P2RX7: variants seen among roughly 807,000 people sequenced by gnomAD.
P2RX7 encodes P2X purinoceptor 7.
Under a neutral mutation model 71.6 loss-of-function variants are expected in P2RX7, and 62 were observed. The ratio of observed to expected loss-of-function variants is 0.87; its 90% CI spans 0.71 to 1.07. The LOEUF (loss-of-function observed/expected upper bound fraction) is 1.07. Ranked by LOEUF, P2RX7 falls within the 50% of genes least tolerant of loss-of-function variation. The pLI is 0.00. For missense variants in P2RX7, 686 were observed against 748.5 expected, an observed-to-expected ratio of 0.92 and a Z score of 0.97; for synonymous variants, 299 against 283.3, an observed-to-expected ratio of 1.06 and a Z score of -0.56.
chr12:121,167,439 G>T, intron 7 of P2RX7, 49 bp from the exon 8 acceptor site: 1 of 1,602,286 alleles, frequency 6.2e-7, no homozygotes, highest in Non-Finnish European at 8.5e-7. Flanking sequence ...TGGCGGTTGC[G>T]TAACTCACAC....
rs545352998 is a variant in P2RX7, at chr12:121,168,279, T to C, written c.881+655T>C. Among the ~76,000 whole-genome samples, 6 of 149,716 alleles carry C rather than the reference T, an allele frequency of 4.0e-5. No individual in the cohort carries two copies. In the East Asian group the frequency reaches 1.2e-3, roughly 29 times the overall value. On this transcript the variant is annotated intron_variant, in intron 8 of 12. Transcript: ENST00000328963. The stretch of plus-strand genomic sequence containing the variant: ...GGCAGTGTTTTCTTTTCTTTTCTTT[T>C]CTTTTTTTTTTTTAGATGGAGTCAC...
intron 12 of P2RX7, among the ~76,000 whole-genome samples, chr12:121,182,589 G>T (rs995437188): frequency 6.6e-5 from 10 of 152,182 alleles, no homozygotes; most frequent in African/African-American, 2.4e-4. Flanking sequence ...AAAAGGTACA[G>T]TGAAAATATG....
chr12:121,148,875 G>A (rs769789411), intron 1 of P2RX7: 35 of 330,434 alleles, frequency 1.1e-4, no homozygotes, highest in Non-Finnish European at 1.9e-4. Context: ...TGCAGGCACA[G>A]TCCTGGCGCT....
intron 7 of P2RX7, 79 bp from the exon 8 acceptor site, chr12:121,167,409 T>C: frequency 2.6e-6 from 4 of 1,545,752 alleles, no homozygotes; most frequent in Non-Finnish European, 3.5e-6. Flanking sequence ...TAAGCAATCC[T>C]GGCTATGCAG....
chr12:121,143,073 C>A (rs528165498), intron 1 of P2RX7, among the ~76,000 whole-genome samples: 79 of 145,228 alleles, frequency 5.4e-4, no homozygotes, highest in African/African-American at 2.0e-3. Flanking sequence ...CAGAGTGAGA[C>A]TTCATCTCAA....
rs566733367 is a variant in P2RX7, at chr12:121,155,481, C to T, written c.294+528C>T. The T allele has an allele frequency of 1.9e-4, 193 of 1,009,652 alleles. 1 individual carries two copies. In the African/African-American group the frequency reaches 2.8e-3, roughly 15 times the overall value. 62.5% of individuals were successfully genotyped at this position (1,009,652 alleles called of 1,614,324 possible). A position where few individuals can be genotyped will look rare whatever the true frequency, so the allele number is the denominator to read the frequency against. On this transcript the variant is annotated intron_variant, in intron 2 of 12. Transcript: ENST00000328963. ...GATTTGCAAGCAGGGAAAATGAAAG[C>T]AGAATTGCCAAAAAAGAGAAATTAA...
intron 7 of P2RX7, among the ~76,000 whole-genome samples, chr12:121,167,221 G>C (rs1881262813): frequency 6.6e-6 from 1 of 152,034 alleles, no homozygotes; most frequent in Non-Finnish European, 1.5e-5. Context: ...AAGGTGTTTG[G>C]GTACAGGAGT....
intron 1 of P2RX7, among the ~76,000 whole-genome samples, chr12:121,138,040 T>G (rs1874069026): frequency 6.6e-6 from 1 of 152,250 alleles, no homozygotes; most frequent in Non-Finnish European, 1.5e-5. Context: ...GAGTTTGTGT[T>G]GGAGGTCTGT....
chr12:121,150,290 T>A (rs1237993402), intron 1 of P2RX7, among the ~76,000 whole-genome samples: 2 of 152,204 alleles, frequency 1.3e-5, no homozygotes, highest in Non-Finnish European at 2.9e-5. Context: ...AGACAGGTTT[T>A]CTGTTTAGGA....
intron 1 of P2RX7, among the ~76,000 whole-genome samples, chr12:121,152,087 C>A (rs1478498024): frequency 6.6e-6 from 1 of 152,062 alleles, no homozygotes; most frequent in Non-Finnish European, 1.5e-5. Flanking sequence ...TCAAAGGATT[C>A]TCCTGCCTCA....
intron 1 of P2RX7, among the ~76,000 whole-genome samples, chr12:121,143,295 G>A (rs1371437845): frequency 8.6e-5 from 13 of 151,920 alleles, no homozygotes; most frequent in African/African-American, 1.9e-4. Context: ...TTGGCAGGCC[G>A]AGGCAGGAGA....
intron 1 of P2RX7, among the ~76,000 whole-genome samples, chr12:121,144,751 A>G (rs1875770607): frequency 6.6e-6 from 1 of 152,156 alleles, no homozygotes; most frequent in African/African-American, 2.4e-5. Context: ...TGATAGAGGC[A>G]GAGGAGAGAA....
At chr12:121,136,023 A>AAAAAAAATATATATAT in intron 1 of P2RX7, among the ~76,000 whole-genome samples, 7 of 15,256 alleles carry the variant, frequency 4.6e-4, no homozygotes, top group African/African-American at 8.6e-4. Context: ...AAAAAAAAAA[A>AAAAAAAATATATATAT]ATATATATAT....
At chr12:121,172,096 C>A (rs1215041237) in intron 8 of P2RX7, among the ~76,000 whole-genome samples, 2 of 150,634 alleles carry the variant, frequency 1.3e-5, no homozygotes, top group African/African-American at 4.9e-5. Context: ...CTCCTGACCT[C>A]GTGATCTGCC....
chr12:121,166,966 C>T (rs550339592), intron 7 of P2RX7, among the ~76,000 whole-genome samples: 2 of 150,926 alleles, frequency 1.3e-5, no homozygotes, highest in Non-Finnish European at 1.5e-5. Flanking sequence ...ACAGGAGAAT[C>T]GCTTGAACCT....
chr12:121,133,518 C>T (rs1272689629), intron 1 of P2RX7, among the ~76,000 whole-genome samples: 4 of 152,188 alleles, frequency 2.6e-5, no homozygotes, highest in South Asian at 2.1e-4. Context: ...TCCTCACCAA[C>T]GTCAGGAAGG....
intron 5 of P2RX7, among the ~76,000 whole-genome samples, chr12:121,162,860 C>T (rs1215650470): frequency 6.6e-6 from 1 of 151,786 alleles, no homozygotes; most frequent in African/African-American, 2.4e-5. Flanking sequence ...TCTGACTTGT[C>T]AGTGTCCATA....
chr12:121,147,258 A>G (rs1216565029), intron 1 of P2RX7, among the ~76,000 whole-genome samples: 1 of 152,244 alleles, frequency 6.6e-6, no homozygotes, highest in Non-Finnish European at 1.5e-5. Flanking sequence ...CACTTCATTC[A>G]TGACACCGTT....
intron 1 of P2RX7, among the ~76,000 whole-genome samples, chr12:121,150,721 C>T (rs2136026241): frequency 6.6e-6 from 1 of 152,258 alleles, no homozygotes; most frequent in South Asian, 2.1e-4. Context: ...CCAGCCTGAC[C>T]AACATGGAGA....
Sources: gnomAD v4.1 joint callset for allele counts (sites outside exome capture counted in the v4.1 genomes callset) on GRCh38, gnomAD v4.1.1 for gene constraint, MANE v1.5 for transcripts, NCBI Gene and HGNC (gene_info 2026-07-23, HGNC 2026-07-21) for gene names.